EXT1: variants seen among roughly 807,000 people sequenced by gnomAD.
EXT1 encodes exostosin glycosyltransferase 1, also known as exostosin-1.
Under a neutral mutation model 82.5 loss-of-function variants are expected in EXT1, and 20 were observed. The ratio of observed to expected loss-of-function variants is 0.24; its 90% CI spans 0.17 to 0.35. The LOEUF (loss-of-function observed/expected upper bound fraction) is 0.35. Among genes scored for constraint, EXT1 ranks in the 10% least tolerant of loss-of-function variants. The pLI, the probability that EXT1 is intolerant of heterozygous loss-of-function variation, is 1.00. For synonymous variants in EXT1, 348 were observed against 350.8 expected, an observed-to-expected ratio of 0.99 and a Z score of 0.09; for missense variants, 757 against 936.5, an observed-to-expected ratio of 0.81 and a Z score of 2.50.
At chr8:118,028,386 A>G (rs1394303215) in intron 1 of EXT1, among the ~76,000 whole-genome samples, 1 of 152,244 alleles carries the variant, frequency 6.6e-6, no homozygotes, top group Non-Finnish European at 1.5e-5. Flanking sequence ...CTTGATAGAA[A>G]TTCCAACATG....
chr8:117,801,848 T>A (rs1823171638), intron 10 of EXT1, among the ~76,000 whole-genome samples: 1 of 152,118 alleles, frequency 6.6e-6, no homozygotes, highest in Admixed American at 6.5e-5. Flanking sequence ...CAAAGGGTGC[T>A]GTACCCAGGC....
intron 4 of EXT1, among the ~76,000 whole-genome samples, chr8:117,826,237 T>C (rs1812006514): frequency 6.6e-6 from 1 of 152,156 alleles, no homozygotes; most frequent in South Asian, 2.1e-4. Flanking sequence ...GACCCTGGCA[T>C]TGAAGAGAAA....
At chr8:118,093,126 T>C (rs1160440027) in intron 1 of EXT1, among the ~76,000 whole-genome samples, 1 of 151,926 alleles carries the variant, frequency 6.6e-6, no homozygotes, top group Non-Finnish European at 1.5e-5. Flanking sequence ...AATTTTTATT[T>C]TGTGGAGAAG....
chr8:117,871,802 G>T (rs1220015768), intron 1 of EXT1, among the ~76,000 whole-genome samples: 2 of 152,084 alleles, frequency 1.3e-5, no homozygotes, highest in Non-Finnish European at 2.9e-5. Context: ...TAGGGCTGGG[G>T]TGGGCACGGT....
At chr8:117,810,296 C>G (rs1217220477) in intron 8 of EXT1, among the ~76,000 whole-genome samples, 1 of 152,170 alleles carries the variant, frequency 6.6e-6, no homozygotes, top group Non-Finnish European at 1.5e-5. Flanking sequence ...AGTGAACCAA[C>G]ATCTATTCAC....
chr8:117,799,657 G>A lies in EXT1; in HGVS notation c.*55C>T, dbSNP rs1335428341. The A allele has an allele frequency of 1.3e-6, 2 of 1,597,124 alleles. No homozygotes were observed. Among genetic ancestry groups the A allele is most frequent in the Non-Finnish European group, 1.7e-6 (2 of 1,165,180 alleles). ...TGAGTGGATCTGCACTGGGAAGAGA[G>A]AGCAGCTTGACCCCCATCCCTTCTT... On this transcript the variant is annotated 3_prime_UTR_variant, in exon 11 of 11. Transcript: ENST00000378204.
chr8:117,993,650 G>C (rs1025145300), intron 1 of EXT1, among the ~76,000 whole-genome samples: 5 of 152,190 alleles, frequency 3.3e-5, no homozygotes, highest in Non-Finnish European at 2.9e-5. Flanking sequence ...AAATATGTTT[G>C]GCAGTGATAC....
intron 1 of EXT1, among the ~76,000 whole-genome samples, chr8:118,045,226 T>C (rs547301737): frequency 1.3e-5 from 2 of 152,290 alleles, no homozygotes; most frequent in African/African-American, 4.8e-5. Context: ...GAAATAAATA[T>C]ACTCAGGATA....
intron 1 of EXT1, among the ~76,000 whole-genome samples, chr8:117,917,963 T>C (rs1241505758): frequency 1.3e-5 from 2 of 152,204 alleles, no homozygotes; most frequent in Admixed American, 6.5e-5. Flanking sequence ...GTCAGCACAC[T>C]GTTAGGCACC....
At chr8:117,817,675 T>C (rs1563569681) in intron 7 of EXT1, among the ~76,000 whole-genome samples, 1 of 151,806 alleles carries the variant, frequency 6.6e-6, no homozygotes. Flanking sequence ...AAGTCAAAAT[T>C]AGAGGTAGGA....
intron 1 of EXT1, among the ~76,000 whole-genome samples, chr8:117,846,974 GCTAA>G (rs1812372155): frequency 6.6e-6 from 1 of 152,112 alleles, no homozygotes; most frequent in Non-Finnish European, 1.5e-5. Flanking sequence ...GGAACCCTGT[GCTAA>G]CTCTCTATTG....
chr8:118,047,516 G>C (rs1563639722), intron 1 of EXT1, among the ~76,000 whole-genome samples: 2 of 152,030 alleles, frequency 1.3e-5, no homozygotes. Flanking sequence ...TACAATACTT[G>C]CCTCCCAAGC....
intron 1 of EXT1, among the ~76,000 whole-genome samples, chr8:117,912,817 T>C (rs1813675280): frequency 6.6e-6 from 1 of 152,126 alleles, no homozygotes; most frequent in South Asian, 2.1e-4. Flanking sequence ...CTCATAACAG[T>C]AGGGAGGCTA....
intron 1 of EXT1, among the ~76,000 whole-genome samples, chr8:117,969,368 G>A (rs1365504577): frequency 6.6e-6 from 1 of 152,174 alleles, no homozygotes; most frequent in Non-Finnish European, 1.5e-5. Flanking sequence ...CGTTTCCATA[G>A]TATTGTATAG....
chr8:117,944,549 A>G (rs545385183), intron 1 of EXT1, among the ~76,000 whole-genome samples: 24 of 152,216 alleles, frequency 1.6e-4, no homozygotes, highest in Non-Finnish European at 3.1e-4. Context: ...AAAAGCGAAC[A>G]TTCTTATTAG....
In EXT1 at chr8:117,821,323, A is replaced by C. The variant is rs895415103; in HGVS notation, c.1417+1142T>G. Among the ~76,000 whole-genome samples, 3 of 152,340 alleles carry C rather than the reference A, an allele frequency of 2.0e-5. No individual in the cohort carries two copies. The South Asian group carries it at 6.2e-4, about 32-fold the overall frequency. On this transcript the variant is annotated intron_variant, in intron 5 of 10. Transcript: ENST00000378204. ...CGAGTAAGAAGAATAAGCGTGATTG[A>C]GGGATTGCCTTTTAAACAGGAACGA...
chr8:117,951,245 T>G (rs996995221), intron 1 of EXT1, among the ~76,000 whole-genome samples: 1 of 152,158 alleles, frequency 6.6e-6, no homozygotes, highest in Non-Finnish European at 1.5e-5. Flanking sequence ...CTTTCTGAAA[T>G]GATTTGTATA....
intron 1 of EXT1, among the ~76,000 whole-genome samples, chr8:117,908,873 G>C (rs913584182): frequency 6.6e-6 from 1 of 151,658 alleles, no homozygotes; most frequent in Non-Finnish European, 1.5e-5. Flanking sequence ...CCTATAATCC[G>C]ACCGTTTTGG....
chr8:117,863,411 GTTTTTTT>G (rs10624775), intron 1 of EXT1, among the ~76,000 whole-genome samples: 1 of 132,354 alleles, frequency 7.6e-6, no homozygotes, highest in Non-Finnish European at 1.5e-5. Flanking sequence ...CTAAGTCTAG[GTTTTTTT>G]TTTTTTTTGG....
Sources: allele counts gnomAD v4.1 joint callset (sites outside exome capture counted in the v4.1 genomes callset), GRCh38; gene constraint gnomAD v4.1.1; transcripts MANE v1.5; gene names NCBI Gene and HGNC (gene_info 2026-07-23, HGNC 2026-07-21).